Variants in SCLT1 observed in about 807,000 individuals in gnomAD.
The protein encoded by SCLT1 is sodium channel-associated protein 1.
A neutral mutation model predicts 112.8 loss-of-function variants in SCLT1; 78 were observed. The ratio of observed to expected loss-of-function variants is 0.69; its 90% CI spans 0.58 to 0.83. The LOEUF is 0.83. Ranked by LOEUF, SCLT1 falls within the 40% of genes least tolerant of loss-of-function variation. The pLI, the probability that SCLT1 is intolerant of heterozygous loss-of-function variation, is 0.00. For synonymous variants in SCLT1, 257 were observed against 254.7 expected (o/e 1.01, Z -0.09); for missense variants, 747 against 770.4 (o/e 0.97, Z 0.36).
chr4:128,906,482 G>A (rs1328816161), intron 18 of SCLT1, among the ~76,000 whole-genome samples: 1 of 152,222 alleles, frequency 6.6e-6, no homozygotes, highest in African/African-American at 2.4e-5. Context: ...ACAGGCGTGA[G>A]TCACTGCACC....
In SCLT1 at chr4:129,062,287, C is replaced by G. The variant is rs72926027; in HGVS notation, c.103-18236G>C. 5.5e-3 allele frequency among the ~76,000 whole-genome samples: 831 copies of G among 152,238 alleles called. 8 individuals carry two copies. Among genetic ancestry groups the G allele is most frequent in the African/African-American group, 0.019 (785 of 41,560 alleles). On this transcript the variant is annotated intron_variant, in intron 2 of 20. Transcript: ENST00000281142. ...CTCCTCTGATGCACTCTGGCACTCA[C>G]TCTCGGTTATTTTTGTTAAAATGAA...
chr4:128,991,797 A>C (rs1742593943), intron 9 of SCLT1, among the ~76,000 whole-genome samples: 1 of 151,854 alleles, frequency 6.6e-6, no homozygotes. Flanking sequence ...AAAACAATAA[A>C]AAATAAAAAT....
chr4:128,878,967 A>C (rs1732579460), intron 3 of SCLT1, among the ~76,000 whole-genome samples: 1 of 151,916 alleles, frequency 6.6e-6, no homozygotes, highest in African/African-American at 2.4e-5. Context: ...AAGGGAATTA[A>C]AACAAAAAGA....
At chr4:129,062,897 T>A (rs1014673841) in intron 2 of SCLT1, among the ~76,000 whole-genome samples, 6 of 152,214 alleles carry the variant, frequency 3.9e-5, no homozygotes, top group Non-Finnish European at 8.8e-5. Flanking sequence ...TGGGAACCCT[T>A]GGGTCTTATG....
At chr4:128,906,001 G>A (rs1018704791) in intron 18 of SCLT1, among the ~76,000 whole-genome samples, 2 of 152,070 alleles carry the variant, frequency 1.3e-5, no homozygotes, top group East Asian at 3.9e-4. Context: ...CTAAGGAGAA[G>A]CTACATTCAC....
At chr4:129,011,290 A>G (rs887501571) in intron 5 of SCLT1, among the ~76,000 whole-genome samples, 1 of 152,004 alleles carries the variant, frequency 6.6e-6, no homozygotes, top group Non-Finnish European at 1.5e-5. Flanking sequence ...GGTAGATAAG[A>G]TTTTTGCTGT....
At chr4:128,986,085 G>A (rs1370202654) in intron 9 of SCLT1, among the ~76,000 whole-genome samples, 1 of 152,234 alleles carries the variant, frequency 6.6e-6, no homozygotes, top group Non-Finnish European at 1.5e-5. Flanking sequence ...ACCGATGAGT[G>A]TAGGAAAGAC....
intron 18 of SCLT1, among the ~76,000 whole-genome samples, chr4:128,934,265 G>C (rs548133526): frequency 1.0e-3 from 155 of 151,674 alleles, no homozygotes; most frequent in Non-Finnish European, 1.6e-3. Flanking sequence ...GTGTACATAT[G>C]TTGGTTTATA....
intron 18 of SCLT1, among the ~76,000 whole-genome samples, chr4:128,903,348 T>TATA (rs1266662865): frequency 3.9e-5 from 6 of 151,960 alleles, no homozygotes; most frequent in African/African-American, 1.5e-4. Flanking sequence ...ATCAGAACAC[T>TATA]ATTATATATG....
At chr4:129,034,000 A>G (rs1218826310) in intron 5 of SCLT1, among the ~76,000 whole-genome samples, 1 of 152,126 alleles carries the variant, frequency 6.6e-6, no homozygotes, top group Non-Finnish European at 1.5e-5. Flanking sequence ...CAGTATAATG[A>G]CCTCAAGTAG....
chr4:129,011,624 C>T (rs1688761349), intron 5 of SCLT1, among the ~76,000 whole-genome samples: 2 of 151,560 alleles, frequency 1.3e-5, no homozygotes, highest in Admixed American at 6.6e-5. Context: ...GGTACCAGCT[C>T]TTTGTATATT....
At chr4:129,020,802 A>G (rs759212806) in intron 5 of SCLT1, among the ~76,000 whole-genome samples, 3 of 152,244 alleles carry the variant, frequency 2.0e-5, no homozygotes, top group Non-Finnish European at 2.9e-5. Context: ...CATTTTTAAT[A>G]CATGAAATCA....
chr4:129,031,440 T>C (rs1221806373), intron 5 of SCLT1, among the ~76,000 whole-genome samples: 1 of 151,980 alleles, frequency 6.6e-6, no homozygotes, highest in Non-Finnish European at 1.5e-5. Context: ...CTATTAAACA[T>C]AGTATTGGAA....
At chr4:128,957,694 T>C (rs1365906247) in intron 12 of SCLT1, among the ~76,000 whole-genome samples, 2 of 152,144 alleles carry the variant, frequency 1.3e-5, no homozygotes, top group African/African-American at 4.8e-5. Context: ...TGTAACTTGT[T>C]CATCTCCAAG....
intron 5 of SCLT1, among the ~76,000 whole-genome samples, chr4:129,022,660 C>T (rs1745595955): frequency 6.6e-6 from 1 of 152,146 alleles, no homozygotes. Context: ...AAGACCAAAC[C>T]TACGACTGAC....
At chr4:128,923,628 C>T (rs929939388) in intron 18 of SCLT1, among the ~76,000 whole-genome samples, 2 of 111,668 alleles carry the variant, frequency 1.8e-5, no homozygotes, top group Non-Finnish European at 1.8e-5. Flanking sequence ...AGTATATAGT[C>T]TTCTATATCT....
At chr4:128,899,017 T>C (rs540818647) in intron 18 of SCLT1, among the ~76,000 whole-genome samples, 15 of 152,208 alleles carry the variant, frequency 9.9e-5, no homozygotes, top group African/African-American at 3.6e-4. Context: ...GGCTCTGAAA[T>C]TGAGGCAATA....
chr4:128,907,899 T>C (rs1258928967), intron 18 of SCLT1, among the ~76,000 whole-genome samples: 2 of 152,126 alleles, frequency 1.3e-5, no homozygotes, highest in Non-Finnish European at 2.9e-5. Flanking sequence ...ATAAAACAAA[T>C]AAAAGACATA....
intron 2 of SCLT1, among the ~76,000 whole-genome samples, chr4:129,052,586 A>AT: frequency 6.6e-6 from 1 of 151,412 alleles, no homozygotes; most frequent in Non-Finnish European, 1.5e-5. Flanking sequence ...CCCCTTTATC[A>AT]TTTTTTATTG....
Sources: gnomAD v4.1 joint callset for allele counts (sites outside exome capture counted in the v4.1 genomes callset) on GRCh38, gnomAD v4.1.1 for gene constraint, MANE v1.5 for transcripts, NCBI Gene and HGNC (gene_info 2026-07-23, HGNC 2026-07-21) for gene names.